PPP3CC: variants seen among roughly 807,000 people sequenced by gnomAD.
The protein encoded by PPP3CC is protein phosphatase 3 catalytic subunit gamma, also known as serine/threonine-protein phosphatase 2B catalytic subunit gamma isoform.
A neutral mutation model predicts 60.3 loss-of-function variants in PPP3CC; 35 were observed. The ratio of observed to expected loss-of-function variants is 0.58; its 90% confidence interval spans 0.44 to 0.77. PPP3CC has a LOEUF of 0.77. PPP3CC is among the 30% of genes least tolerant of loss of function. PPP3CC has a pLI of 0.00. For missense variants in PPP3CC, 570 were observed against 628.9 expected, an observed-to-expected ratio of 0.91 and a Z score of 1.00; for synonymous variants, 206 against 224.3, an observed-to-expected ratio of 0.92 and a Z score of 0.73.
intron 1 of PPP3CC, among the ~76,000 whole-genome samples, chr8:22,471,861 T>G (rs567543097): frequency 1.3e-5 from 2 of 152,260 alleles, no homozygotes; most frequent in East Asian, 3.9e-4. Context: ...GCATGGTGGC[T>G]CACTCCTGTA....
At chr8:22,476,223 T>C (rs765846479) in intron 3 of PPP3CC, among the ~76,000 whole-genome samples, 3 of 152,226 alleles carry the variant, frequency 2.0e-5, no homozygotes, top group Non-Finnish European at 4.4e-5. Flanking sequence ...AAAACTACTT[T>C]AGAACTTTAT....
At chr8:22,478,097 A>G (rs1586814907) in intron 3 of PPP3CC, among the ~76,000 whole-genome samples, 1 of 151,564 alleles carries the variant, frequency 6.6e-6, no homozygotes, top group Non-Finnish European at 1.5e-5. Flanking sequence ...TGGTCCACCC[A>G]CCTTGGCCTC....
At chr8:22,502,668 G>A (rs1321327181) in intron 4 of PPP3CC, among the ~76,000 whole-genome samples, 1 of 152,132 alleles carries the variant, frequency 6.6e-6, no homozygotes, top group Non-Finnish European at 1.5e-5. Flanking sequence ...GGGTGACAGA[G>A]CAAGACTCTG....
At chr8:22,465,149 C>T (rs750195888) in intron 1 of PPP3CC, among the ~76,000 whole-genome samples, 20 of 151,872 alleles carry the variant, frequency 1.3e-4, no homozygotes, top group Non-Finnish European at 2.4e-4. Context: ...TTAGTAGAGA[C>T]GGGGTTTCAC....
At chr8:22,472,363 A>AAACAC (rs1554531187) in intron 1 of PPP3CC, among the ~76,000 whole-genome samples, 1 of 125,614 alleles carries the variant, frequency 8.0e-6, no homozygotes, top group African/African-American at 3.1e-5. Flanking sequence ...GGTAAAAATG[A>AAACAC]ACACACACAC....
chr8:22,471,849 G>A (rs1434850272), intron 1 of PPP3CC, among the ~76,000 whole-genome samples: 1 of 152,120 alleles, frequency 6.6e-6, no homozygotes, highest in Non-Finnish European at 1.5e-5. Context: ...TTTCTTGGCT[G>A]GGCATGGTGG....
rs748154073 is a variant in PPP3CC at position 22,532,979 on chromosome 8, C to T, written c.1282C>T (p.Leu428=). The change falls in exon 12 of 14, where the codon CTG becomes TTG. Residue 428 remains leucine (L), a synonymous_variant. Coordinates refer to ENST00000240139, the MANE Select transcript of PPP3CC (RefSeq NM_005605.5). ...KGLTPTGTLP[L]GVLSGGKQTI... ...CCTGACTCCCACAGGCACACTCCCT[C>T]TGGGCGTCCTCTCAGGAGGCAAGCA... The T allele has an allele frequency of 3.1e-6, 5 of 1,606,484 alleles. No individual in the cohort carries two copies. The Admixed American group carries it at 8.4e-5, about 27-fold the overall frequency.
At chr8:22,503,919 A>G (rs1047285731) in intron 4 of PPP3CC, among the ~76,000 whole-genome samples, 2 of 152,170 alleles carry the variant, frequency 1.3e-5, no homozygotes, top group Non-Finnish European at 2.9e-5. Context: ...GTTGCTCTGC[A>G]TGGGTGTTTT....
At chr8:22,502,244 T>G (rs191032875) in intron 4 of PPP3CC, among the ~76,000 whole-genome samples, 74 of 152,194 alleles carry the variant, frequency 4.9e-4, no homozygotes, top group South Asian at 1.7e-3. Flanking sequence ...CACAAAAAGA[T>G]AGTAAAATAT....
chr8:22,484,863 G>T (rs553385263), intron 3 of PPP3CC, among the ~76,000 whole-genome samples: 2 of 152,256 alleles, frequency 1.3e-5, no homozygotes, highest in South Asian at 4.1e-4. Flanking sequence ...TTTGAAGAAA[G>T]AGTTTAGAAA....
intron 3 of PPP3CC, among the ~76,000 whole-genome samples, chr8:22,485,288 G>T (rs1838192110): frequency 6.6e-6 from 1 of 152,094 alleles, no homozygotes; most frequent in South Asian, 2.1e-4. Context: ...TTACCAAGAA[G>T]GACGATAAGA....
At chr8:22,473,559 A>G (rs1291043857) in intron 1 of PPP3CC, among the ~76,000 whole-genome samples, 1 of 151,110 alleles carries the variant, frequency 6.6e-6, no homozygotes, top group Admixed American at 6.6e-5. Context: ...CATCTCCCAG[A>G]TTCAAGCAAT....
intron 4 of PPP3CC, among the ~76,000 whole-genome samples, chr8:22,508,602 A>G (rs1208666493): frequency 6.6e-6 from 1 of 152,176 alleles, no homozygotes; most frequent in Non-Finnish European, 1.5e-5. Flanking sequence ...ATTTTGAGTC[A>G]TTCTTGGGAT....
intron 5 of PPP3CC, among the ~76,000 whole-genome samples, chr8:22,511,514 C>T (rs543632853): frequency 6.6e-6 from 1 of 152,270 alleles, no homozygotes; most frequent in South Asian, 2.1e-4. Flanking sequence ...AACTGATCTG[C>T]CCACTTTGGC....
At chr8:22,512,919 A>G (rs1839131115) in intron 5 of PPP3CC, among the ~76,000 whole-genome samples, 1 of 152,174 alleles carries the variant, frequency 6.6e-6, no homozygotes, top group Non-Finnish European at 1.5e-5. Context: ...TCTACTAAAA[A>G]TACAAAATTA....
intron 12 of PPP3CC, among the ~76,000 whole-genome samples, 162 bp from the exon 13 acceptor site, chr8:22,539,307 C>T (rs554166386): frequency 6.6e-6 from 1 of 151,932 alleles, no homozygotes; most frequent in Non-Finnish European, 1.5e-5. Flanking sequence ...TTGAGTCTCT[C>T]GCAATAATCT....
intron 6 of PPP3CC, among the ~76,000 whole-genome samples, chr8:22,516,558 T>TAG (rs1458671800): frequency 6.6e-6 from 1 of 152,210 alleles, no homozygotes; most frequent in African/African-American, 2.4e-5. Context: ...AATCAGTACT[T>TAG]ACAGAGGTTT....
chr8:22,481,340 A>AAAAT (rs1165412595), intron 3 of PPP3CC, among the ~76,000 whole-genome samples: 1 of 111,596 alleles, frequency 9.0e-6, no homozygotes, highest in Non-Finnish European at 1.9e-5. Flanking sequence ...TGTCTCAAGA[A>AAAAT]AAATAAATAA....
chr8:22,504,370 T>C (rs976711962), intron 4 of PPP3CC, among the ~76,000 whole-genome samples: 5 of 152,320 alleles, frequency 3.3e-5, no homozygotes, highest in East Asian at 3.9e-4. Flanking sequence ...TGTGTAATCA[T>C]AGCTCACTGC....
Sources: gnomAD v4.1 joint callset for allele counts (sites outside exome capture counted in the v4.1 genomes callset) on GRCh38, gnomAD v4.1.1 for gene constraint, MANE v1.5 for transcripts, NCBI Gene and HGNC (gene_info 2026-07-23, HGNC 2026-07-21) for gene names.